Variants in WWOX observed in about 807,000 individuals in gnomAD.
WWOX encodes WW domain-containing oxidoreductase.
Under a neutral mutation model 46.2 loss-of-function variants are expected in WWOX, and 69 were observed. That is an observed-to-expected ratio of 1.49 (90% CI 1.23 to 1.82). The LOEUF (loss-of-function observed/expected upper bound fraction) is 1.82, where lower values mean the gene tolerates loss of function less well. WWOX is among the 40% of genes most tolerant of loss of function. WWOX has a pLI of 0.00. For missense variants in WWOX, 919 were observed against 542.6 expected, an observed-to-expected ratio of 1.69 and a Z score of -6.89; for synonymous variants, 359 against 202.6, an observed-to-expected ratio of 1.77 and a Z score of -6.56.
intron 8 of WWOX, among the ~76,000 whole-genome samples, chr16:78,631,573 C>G (rs2046432403): frequency 6.9e-6 from 1 of 145,846 alleles, no homozygotes; most frequent in African/African-American, 2.5e-5. Context: ...GGGTCTGGCT[C>G]TGTCACCCAG....
chr16:79,097,725 C>A (rs2049106269), intron 8 of WWOX, among the ~76,000 whole-genome samples: 1 of 152,114 alleles, frequency 6.6e-6, no homozygotes, highest in Non-Finnish European at 1.5e-5. Context: ...AGGATACTTT[C>A]TGTCTTTTAT....
At chr16:78,100,368 T>G (rs998154763) in intron 1 of WWOX, among the ~76,000 whole-genome samples, 1 of 152,154 alleles carries the variant, frequency 6.6e-6, no homozygotes, top group African/African-American at 2.4e-5. Flanking sequence ...TCCTCTCATC[T>G]CAGCCTCTTG....
At chr16:79,008,006 T>TA (rs1192421276) in intron 8 of WWOX, among the ~76,000 whole-genome samples, 1 of 152,204 alleles carries the variant, frequency 6.6e-6, no homozygotes, top group East Asian at 1.9e-4. Context: ...CTCCATAGGT[T>TA]AAAAGTCCTG....
chr16:78,186,810 T>G (rs777593365), intron 5 of WWOX, among the ~76,000 whole-genome samples: 1 of 152,164 alleles, frequency 6.6e-6, no homozygotes, highest in Non-Finnish European at 1.5e-5. Context: ...AAGTTTAGAT[T>G]CTCATAGAAG....
chr16:79,148,619 G>T (rs1234924184), intron 8 of WWOX, among the ~76,000 whole-genome samples: 2 of 152,198 alleles, frequency 1.3e-5, no homozygotes, highest in South Asian at 4.2e-4. Flanking sequence ...CAGTTTTAAT[G>T]GGGTTTAAAT....
intron 8 of WWOX, among the ~76,000 whole-genome samples, chr16:78,711,307 T>C (rs2048439967): frequency 6.6e-6 from 1 of 152,230 alleles, no homozygotes; most frequent in South Asian, 2.1e-4. Context: ...AGACATTTAC[T>C]ATTTCTATGG....
chr16:78,445,267 C>T (rs1966152), intron 8 of WWOX, among the ~76,000 whole-genome samples: 35 of 152,046 alleles, frequency 2.3e-4, no homozygotes, highest in Admixed American at 7.2e-4. Context: ...GGGGCATTAG[C>T]GAGTAAAGGG....
chr16:79,118,204 A>C (rs2049557187), intron 8 of WWOX, among the ~76,000 whole-genome samples: 1 of 152,234 alleles, frequency 6.6e-6, no homozygotes, highest in Non-Finnish European at 1.5e-5. Context: ...AAGTTTGCCT[A>C]ATTTCAATAC....
chr16:78,560,989 G>C (rs1195369105), intron 8 of WWOX, among the ~76,000 whole-genome samples: 1 of 152,152 alleles, frequency 6.6e-6, no homozygotes, highest in East Asian at 1.9e-4. Context: ...TCTCTGCTCA[G>C]GGTCTCTTGG....
intron 8 of WWOX, among the ~76,000 whole-genome samples, chr16:79,017,959 A>T (rs949167742): frequency 6.6e-6 from 1 of 152,244 alleles, no homozygotes; most frequent in Non-Finnish European, 1.5e-5. Context: ...GAAATAGAAT[A>T]AAATACACAT....
intron 8 of WWOX, among the ~76,000 whole-genome samples, chr16:78,593,045 A>G (rs568236902): frequency 2.0e-5 from 3 of 152,288 alleles, no homozygotes; most frequent in South Asian, 2.1e-4. Context: ...CCTAGCACCA[A>G]TGTGTCTAGG....
chr16:78,592,231 G>T (rs941947904), intron 8 of WWOX, among the ~76,000 whole-genome samples: 1 of 152,124 alleles, frequency 6.6e-6, no homozygotes, highest in African/African-American at 2.4e-5. Context: ...TTGTTTGTTT[G>T]TTTTTACTGT....
intron 8 of WWOX, among the ~76,000 whole-genome samples, chr16:79,022,419 C>G (rs2047552499): frequency 6.6e-6 from 1 of 151,558 alleles, no homozygotes; most frequent in African/African-American, 2.4e-5. Context: ...TGGACATGCC[C>G]CAGTCGCTAG....
At chr16:79,008,208 C>T (rs1431271394) in intron 8 of WWOX, among the ~76,000 whole-genome samples, 2 of 152,168 alleles carry the variant, frequency 1.3e-5, no homozygotes, top group East Asian at 3.9e-4. Context: ...TTCTCAGGCT[C>T]TCAGGCCCTA....
At chr16:78,596,280 C>T (rs574857505) in intron 8 of WWOX, among the ~76,000 whole-genome samples, 11 of 152,222 alleles carry the variant, frequency 7.2e-5, no homozygotes, top group South Asian at 2.1e-4. Flanking sequence ...GCAATAGAAA[C>T]GTTTTGAGAT....
chr16:78,208,806 T>C (rs1442276621), intron 5 of WWOX, among the ~76,000 whole-genome samples: 1 of 152,238 alleles, frequency 6.6e-6, no homozygotes, highest in Non-Finnish European at 1.5e-5. Context: ...TTTCTGAACA[T>C]ACCAATTAAT....
intron 8 of WWOX, among the ~76,000 whole-genome samples, chr16:78,966,932 G>A (rs1243260739): frequency 1.3e-5 from 2 of 152,170 alleles, no homozygotes; most frequent in East Asian, 3.9e-4. Flanking sequence ...TCTGCGTTGT[G>A]TCTGGTACAT....
intron 5 of WWOX, among the ~76,000 whole-genome samples, chr16:78,227,397 A>C (rs992518217): frequency 1.3e-5 from 2 of 152,218 alleles, no homozygotes; most frequent in Non-Finnish European, 2.9e-5. Context: ...ATTGGAACAC[A>C]TGGGGACCGA....
chr16:78,265,729 C>T (rs2079349202), intron 5 of WWOX, among the ~76,000 whole-genome samples: 1 of 149,582 alleles, frequency 6.7e-6, no homozygotes, highest in Admixed American at 6.6e-5. Context: ...TTGTCAGCTC[C>T]ATGAGGGCAC....
Sources: allele counts gnomAD v4.1 joint callset (sites outside exome capture counted in the v4.1 genomes callset), GRCh38; gene constraint gnomAD v4.1.1; transcripts MANE v1.5; gene names NCBI Gene and HGNC (gene_info 2026-07-23, HGNC 2026-07-21).